BCL7A: variants seen among roughly 807,000 people sequenced by gnomAD.
BCL7A encodes B-cell CLL/lymphoma 7 protein family member A.
BCL7A carries 11 observed loss-of-function variants against 28.4 expected under a neutral mutation model. The observed-to-expected ratio is 0.39, with a 90% CI of 0.24 to 0.64. The LOEUF (loss-of-function observed/expected upper bound fraction) is 0.64, where lower values mean the gene tolerates loss of function less well. Ranked by LOEUF, BCL7A falls within the 30% of genes least tolerant of loss-of-function variation. The probability of loss-of-function intolerance (pLI) is 0.50; values close to 1 mark genes in which losing one functional copy is unlikely to be tolerated. For synonymous variants in BCL7A, 123 were observed against 103.3 expected, an observed-to-expected ratio of 1.19 and a Z score of -1.15; for missense variants, 222 against 274.8, an observed-to-expected ratio of 0.81 and a Z score of 1.36.
chr12:122,058,129 C>T (rs1951890885), intron 5 of BCL7A, among the ~76,000 whole-genome samples: 1 of 151,622 alleles, frequency 6.6e-6, no homozygotes, highest in Non-Finnish European at 1.5e-5. Flanking sequence ...ACCAGGAAGT[C>T]GAGGCTGCAG....
chr12:122,024,272 A>T (rs564381480), intron 1 of BCL7A, among the ~76,000 whole-genome samples: 1 of 152,260 alleles, frequency 6.6e-6, no homozygotes, highest in East Asian at 1.9e-4. Flanking sequence ...GACCTTGGGC[A>T]TATCATTGTC....
intron 4 of BCL7A, among the ~76,000 whole-genome samples, chr12:122,045,420 C>A (rs958906208): frequency 6.6e-6 from 1 of 151,994 alleles, no homozygotes; most frequent in African/African-American, 2.4e-5. Context: ...CGGGGTCAGA[C>A]AGCAGGCAGC....
At chr12:122,052,186 C>A (rs1480747177) in intron 4 of BCL7A, among the ~76,000 whole-genome samples, 1 of 151,358 alleles carries the variant, frequency 6.6e-6, no homozygotes, top group Non-Finnish European at 1.5e-5. Flanking sequence ...GGCCTGGCCC[C>A]TCTCTTTTAA....
intron 4 of BCL7A, among the ~76,000 whole-genome samples, chr12:122,051,412 G>A (rs1025734922): frequency 2.3e-4 from 35 of 152,234 alleles, no homozygotes; most frequent in African/African-American, 8.4e-4. Context: ...ACTGCTGTGT[G>A]AGTTCAGGGA....
chr12:122,057,530 G>A (rs1456824382), intron 5 of BCL7A, among the ~76,000 whole-genome samples: 1 of 152,190 alleles, frequency 6.6e-6, no homozygotes, highest in African/African-American at 2.4e-5. Flanking sequence ...AGGCCGGGTT[G>A]GAGGGGGGGT....
At chr12:122,039,216 G>A (rs1323982282) in intron 3 of BCL7A, among the ~76,000 whole-genome samples, 1 of 151,362 alleles carries the variant, frequency 6.6e-6, no homozygotes, top group East Asian at 1.9e-4. Context: ...AGAATGGCGT[G>A]AACCTGGGAG....
In BCL7A at chr12:122,034,190, CATATATATATATATATATATAT is replaced by C. The variant is rs55770934; in HGVS notation, c.175-1108_175-1087del. Among the ~76,000 whole-genome samples, 967 of 97,586 alleles carry C rather than the reference CATATATATATATATATATATAT, an allele frequency of 9.9e-3. 24 individuals carry two copies. The highest frequency in any genetic ancestry group is 0.036 in the African/African-American group (870 of 23,928). The allele number at this position is 97,586 out of a possible 152,430, so 64.0% of individuals were successfully genotyped here. A position where few individuals can be genotyped will look rare whatever the true frequency, so the allele number is the denominator to read the frequency against. Reference sequence around the variant, plus strand: ...TGAGGCTCACGTATCCTGCATCTTTCATATATATATATATATATATATATATATATATATATATATATATATA... The same window carrying C: ...TGAGGCTCACGTATCCTGCATCTTTCATATATATATATATATATATATATA... On this transcript the variant is annotated intron_variant, in intron 2 of 5. Coordinates refer to ENST00000261822, the MANE Select transcript of BCL7A (RefSeq NM_001024808.3).
intron 5 of BCL7A, among the ~76,000 whole-genome samples, chr12:122,058,195 T>TA (rs1227560434): frequency 2.6e-5 from 4 of 151,838 alleles, no homozygotes; most frequent in Non-Finnish European, 4.4e-5. Context: ...ACTCTGTCTC[T>TA]AAAAAAAATT....
intron 2 of BCL7A, 124 bp from the exon 3 acceptor site, chr12:122,035,207 A>T: frequency 1.2e-6 from 1 of 817,252 alleles, no homozygotes; most frequent in Non-Finnish European, 2.0e-6. Context: ...AAACCTCCAG[A>T]GGCCTGGGGG....
At chr12:122,031,499 G>A (rs564728695) in intron 2 of BCL7A, among the ~76,000 whole-genome samples, 142 of 152,274 alleles carry the variant, frequency 9.3e-4, no homozygotes, top group African/African-American at 3.1e-3. Context: ...TGGCATCTCC[G>A]TTATTTTTCC....
chr12:122,023,429 A>G (rs2135834539), intron 1 of BCL7A, among the ~76,000 whole-genome samples: 1 of 152,070 alleles, frequency 6.6e-6, no homozygotes, highest in African/African-American at 2.4e-5. Context: ...CTCGGTCTCT[A>G]AAAGCCACTG....
At chr12:122,043,496 G>A (rs1157159228) in intron 3 of BCL7A, among the ~76,000 whole-genome samples, 1 of 152,102 alleles carries the variant, frequency 6.6e-6, no homozygotes, top group Middle Eastern at 3.2e-3. Context: ...ACACGGCCGG[G>A]TGCAGTGGCT....
chr12:122,049,043 TATATATATATAC>T (rs1593034014), intron 4 of BCL7A, among the ~76,000 whole-genome samples: 1 of 118,804 alleles, frequency 8.4e-6, no homozygotes, highest in Admixed American at 8.6e-5. Context: ...AAAATATATA[TATATATATATAC>T]ATATACACAC....
rs1054142046 is a variant in BCL7A, at chr12:122,021,930, ATG to A, written c.-135_-134del. On this transcript the variant is annotated 5_prime_UTR_variant, in exon 1 of 6. An upstream open reading frame in the 5' UTR loses its in-frame stop. Coordinates refer to ENST00000261822, the MANE Select transcript of BCL7A (RefSeq NM_001024808.3). ...GGCCCCGGGCTTTGTGTGTGTGTGTATGTGTGTGTGTGTGTGTGTGTGTGTGT... is the reference window on the plus strand; with the variant it reads ...GGCCCCGGGCTTTGTGTGTGTGTGTATGTGTGTGTGTGTGTGTGTGTGTGT... 6,002 of 384,374 alleles carry A rather than the reference ATG, an allele frequency of 0.016. 10 individuals are homozygous for A. Among genetic ancestry groups the A allele is most frequent in the Non-Finnish European group, 0.018 (3,846 of 209,292 alleles). The allele number at this position is 384,374 out of a possible 1,614,324, so 23.8% of individuals were successfully genotyped here.
At chr12:122,024,959 A>AT (rs1185072367) in intron 1 of BCL7A, among the ~76,000 whole-genome samples, 1 of 120,392 alleles carries the variant, frequency 8.3e-6, no homozygotes, top group African/African-American at 3.1e-5. Flanking sequence ...CTGTCCCCTG[A>AT]TGCTTCCCCC....
rs1951900287 is a variant in BCL7A, at chr12:122,059,234, C to T, written c.*71C>T. The T allele has an allele frequency of 1.4e-6, 2 of 1,435,416 alleles. No individual in the cohort carries two copies. The highest frequency in any genetic ancestry group is 2.0e-6 in the Non-Finnish European group (2 of 1,022,798). The allele number at this position is 1,435,416 out of a possible 1,614,324, so 88.9% of individuals were successfully genotyped here. ...AGCAATTAATTCTAGAGCAACTTTG[C>T]CCCAGCGATTCCTCTTGGGTGCGAA... On this transcript the variant is annotated 3_prime_UTR_variant, in exon 6 of 6. Coordinates refer to ENST00000261822, the MANE Select transcript of BCL7A (RefSeq NM_001024808.3). The surrounding 1 kb of genome is among the most constrained non-coding windows in gnomAD (Gnocchi z 4.0).
At chr12:122,056,384 C>T (rs1285922789) in intron 5 of BCL7A, among the ~76,000 whole-genome samples, 1 of 152,084 alleles carries the variant, frequency 6.6e-6, no homozygotes, top group African/African-American at 2.4e-5. Context: ...GAGACCCAGA[C>T]CTAAAATTGG....
chr12:122,049,073 A>C lies in BCL7A; in HGVS notation c.439+5020A>C, dbSNP rs1176342343. Among the ~76,000 whole-genome samples, 11 of 146,234 alleles carry C rather than the reference A, an allele frequency of 7.5e-5. No homozygotes were observed. The East Asian group carries it at 1.8e-3, about 24-fold the overall frequency. ...ATATATACATATACACACACACAAA[A>C]AAAAATACATAAAACTATAGGCATG... On this transcript the variant is annotated intron_variant, in intron 4 of 5. Transcript: ENST00000261822.
At chr12:122,025,575 G>A (rs530339562) in intron 1 of BCL7A, among the ~76,000 whole-genome samples, 149 of 151,438 alleles carry the variant, frequency 9.8e-4, no homozygotes, top group African/African-American at 3.5e-3. Context: ...TGCAGTGAGC[G>A]GAGATTGCGC....
Sources: gnomAD v4.1 joint callset for allele counts (sites outside exome capture counted in the v4.1 genomes callset) on GRCh38, gnomAD v4.1.1 for gene constraint, Gnocchi (gnomAD v3.1) non-coding constraint, MANE v1.5 for transcripts, NCBI Gene and HGNC (gene_info 2026-07-23, HGNC 2026-07-21) for gene names.